Variants in TBCD observed in about 807,000 individuals in gnomAD.
The protein encoded by TBCD is tubulin-specific chaperone D.
A neutral mutation model predicts 169.3 loss-of-function variants in TBCD; 105 were observed. The observed-to-expected ratio is 0.62, with a 90% CI of 0.53 to 0.73. The LOEUF is 0.73. Ranked by LOEUF, TBCD falls within the 30% of genes least tolerant of loss-of-function variation. The pLI, the probability that TBCD is intolerant of heterozygous loss-of-function variation, is 0.00. For missense variants in TBCD, 1,444 were observed against 1,600.1 expected (o/e 0.90, Z 1.66); for synonymous variants, 700 against 643.9 (o/e 1.09, Z -1.32).
At chr17:82,780,271 G>A (rs527265556) in intron 6 of TBCD, among the ~76,000 whole-genome samples, 1 of 152,260 alleles carries the variant, frequency 6.6e-6, no homozygotes, top group East Asian at 1.9e-4. Flanking sequence ...TCTCTCTAAC[G>A]AGGCCATGCC....
In TBCD at chr17:82,775,425, C is replaced by T. The variant is rs554266848; in HGVS notation, c.638+2918C>T. Among the ~76,000 whole-genome samples, 255 of 152,222 alleles carry T rather than the reference C, an allele frequency of 1.7e-3. 3 individuals are homozygous for T. The highest frequency in any genetic ancestry group is 0.01 in the Middle Eastern group (3 of 294). Reference sequence around the variant, plus strand: ...TGAGTTTCCTGTACTTCTCAGACCCCTTTTTGGTGAGGATTGTTCAGGTAA... The same window carrying T: ...TGAGTTTCCTGTACTTCTCAGACCCTTTTTTGGTGAGGATTGTTCAGGTAA... On this transcript the variant is annotated intron_variant, in intron 6 of 38. Transcript: ENST00000355528.
At chr17:82,848,345 G>T (rs1229069236) in intron 13 of TBCD, among the ~76,000 whole-genome samples, 1 of 130,274 alleles carries the variant, frequency 7.7e-6, no homozygotes, top group African/African-American at 3.0e-5. Context: ...TGTGTTGAGA[G>T]GGAAACTTGA....
Position 82,831,391 on chromosome 17 carries a change from A to T in TBCD, c.1318+16457A>T. 2 of 1,614,154 alleles carry T rather than the reference A, an allele frequency of 1.2e-6. No homozygotes were observed. Among genetic ancestry groups the T allele is most frequent in the Non-Finnish European group, 1.7e-6 (2 of 1,180,016 alleles). Reference sequence around the variant, plus strand: ...GGAAGGACTCGAGGCTGGATAGACCAGGGTGGCTTCTTCAAGCAGGTGAGA... The same window carrying T: ...GGAAGGACTCGAGGCTGGATAGACCTGGGTGGCTTCTTCAAGCAGGTGAGA... On this transcript the variant is annotated intron_variant, in intron 13 of 38. Transcript: ENST00000355528. The surrounding 1 kb of genome is among the most constrained non-coding windows in gnomAD (Gnocchi z 4.6).
At chr17:82,794,591 G>C (rs1022707140) in intron 7 of TBCD, among the ~76,000 whole-genome samples, 12 of 152,180 alleles carry the variant, frequency 7.9e-5, no homozygotes, top group African/African-American at 2.9e-4. Flanking sequence ...ACTAGAGTGC[G>C]CTCTCTCTGG....
chr17:82,807,485 A>G (rs1225811948), intron 10 of TBCD, 123 bp from the exon 11 acceptor site: 1 of 521,030 alleles, frequency 1.9e-6, no homozygotes, highest in Non-Finnish European at 3.0e-6. Flanking sequence ...ATTAAAATTA[A>G]TATTGTTAAT....
At chr17:82,846,261 CTCT>C (rs1567878802) in intron 13 of TBCD, among the ~76,000 whole-genome samples, 50 of 146,464 alleles carry the variant, frequency 3.4e-4, no homozygotes, top group African/African-American at 1.1e-3. Flanking sequence ...GCGCTGCGTC[CTCT>C]GTGCTGTGTC....
chr17:82,832,064 C>G lies in TBCD; in HGVS notation c.1318+17130C>G. The G allele has an allele frequency of 6.2e-7, 1 of 1,613,990 alleles. No homozygotes were observed. Among genetic ancestry groups the G allele is most frequent in the Admixed American group, 1.7e-5 (1 of 60,020 alleles). ...TTGCAGGGTGATGCCCTGTGGAGGG[C>G]TGGCTTCTGTCCCAGGCACCTGTGG... On this transcript the variant is annotated intron_variant, in intron 13 of 38. Transcript: ENST00000355528. This position sits in a 1 kb window ranked among gnomAD's most constrained non-coding sequence, Gnocchi z 4.9.
chr17:82,901,640 G>A (rs984509315), intron 18 of TBCD, among the ~76,000 whole-genome samples: 5 of 150,594 alleles, frequency 3.3e-5, no homozygotes, highest in Admixed American at 6.6e-5. Flanking sequence ...CCTGGGGAGC[G>A]GCCCGGCTAC....
intron 37 of TBCD, 65 bp from the exon 38 acceptor site, chr17:82,941,334 C>A: frequency 7.1e-7 from 1 of 1,406,612 alleles, no homozygotes; most frequent in Non-Finnish European, 9.6e-7. Flanking sequence ...TGACGCGGGA[C>A]CTCCGCACAC....
At position 82,897,979 on chromosome 17, in the gene TBCD, C is replaced by T. The variant is rs967484709; in HGVS notation, c.1650-2672C>T. On this transcript the variant is annotated intron_variant, in intron 17 of 38. Transcript: ENST00000355528. Reference sequence around the variant, plus strand: ...GCACACGTCACGGCTCTGTTCTCCCCGATGGTTTTCTGTTTTTCATGAGCA... The same window carrying T: ...GCACACGTCACGGCTCTGTTCTCCCTGATGGTTTTCTGTTTTTCATGAGCA... Among the ~76,000 whole-genome samples, 8 of 145,048 alleles carry T rather than the reference C, an allele frequency of 5.5e-5. No homozygotes were observed. The East Asian group carries it at 1.0e-3, about 19-fold the overall frequency.
intron 28 of TBCD, 112 bp downstream of exon 28, chr17:82,926,603 G>A (rs913274504): frequency 1.2e-6 from 1 of 861,498 alleles, no homozygotes; most frequent in South Asian, 1.6e-5. Context: ...TCACTTCCTA[G>A]GTTTCCTCTC....
chr17:82,910,034 G>A (rs547395038), intron 22 of TBCD, among the ~76,000 whole-genome samples: 18 of 152,334 alleles, frequency 1.2e-4, no homozygotes, highest in Admixed American at 1.1e-3. Context: ...GTGCATGTAC[G>A]GCGCCGTGTT....
chr17:82,785,965 A>G (rs1455945184), intron 7 of TBCD, among the ~76,000 whole-genome samples: 1 of 152,180 alleles, frequency 6.6e-6, no homozygotes, highest in Non-Finnish European at 1.5e-5. Context: ...TGAAATGACA[A>G]TGTTGGCACC....
chr17:82,771,384 G>A (rs1260474579), intron 5 of TBCD, among the ~76,000 whole-genome samples: 1 of 151,562 alleles, frequency 6.6e-6, no homozygotes, highest in African/African-American at 2.4e-5. Flanking sequence ...GGCTGAGGTG[G>A]GAGGGTCATC....
intron 13 of TBCD, among the ~76,000 whole-genome samples, chr17:82,863,094 G>A (rs903243021): frequency 6.6e-6 from 1 of 152,182 alleles, no homozygotes; most frequent in African/African-American, 2.4e-5. Context: ...GGATGGGATC[G>A]TAATTTCTTT....
intron 2 of TBCD, among the ~76,000 whole-genome samples, chr17:82,761,265 G>A (rs2047740000): frequency 2.0e-5 from 3 of 152,038 alleles, no homozygotes; most frequent in Admixed American, 2.0e-4. Flanking sequence ...TGCCCGGCCA[G>A]TTGTTTCTTC....
In TBCD at chr17:82,870,209, C is replaced by T. The variant is rs777884328; in HGVS notation, c.1319-15C>T. On this transcript the variant is annotated splice_polypyrimidine_tract_variant and intron_variant, in intron 13 of 38. Coordinates refer to ENST00000355528, the MANE Select transcript of TBCD (RefSeq NM_005993.5). ...TGGTCTGCTCCTCACCGTCTTTTCTCTTGTCCTTGCCCAGTTGTCGCCGTG... is the reference window on the plus strand; with the variant it reads ...TGGTCTGCTCCTCACCGTCTTTTCTTTTGTCCTTGCCCAGTTGTCGCCGTG... The T allele has an allele frequency of 1.9e-5, 31 of 1,612,464 alleles. No individual in the cohort carries two copies. Among genetic ancestry groups the T allele is most frequent in the African/African-American group, 2.7e-5 (2 of 74,944 alleles).
At position 82,875,704 on chromosome 17, in the gene TBCD, C is replaced by T. The variant is rs74570335; in HGVS notation, c.1475+5324C>T. 7.3e-3 allele frequency among the ~76,000 whole-genome samples: 1,111 copies of T among 152,350 alleles called. 8 individuals carry two copies. Among genetic ancestry groups the T allele is most frequent in the African/African-American group, 0.025 (1,052 of 41,584 alleles). On this transcript the variant is annotated intron_variant, in intron 14 of 38. Coordinates refer to ENST00000355528, the MANE Select transcript of TBCD (RefSeq NM_005993.5). ...AAATGGCAGGCATTGCTCAGAGCTA[C>T]GTCTTGTTCTCCCTCACCGGTGTTG...
chr17:82,828,588 G>A (rs1251056830), intron 13 of TBCD, among the ~76,000 whole-genome samples: 1 of 137,906 alleles, frequency 7.3e-6, no homozygotes, highest in African/African-American at 2.7e-5. Context: ...CCACACAATT[G>A]AATGCACACA....
Sources: allele counts gnomAD v4.1 joint callset (sites outside exome capture counted in the v4.1 genomes callset), GRCh38; gene constraint gnomAD v4.1.1; non-coding constraint Gnocchi (gnomAD v3.1); transcripts MANE v1.5; gene names NCBI Gene and HGNC (gene_info 2026-07-23, HGNC 2026-07-21).